Variants in KIFC3 observed in about 807,000 individuals in gnomAD.
KIFC3 encodes kinesin family member C3.
In KIFC3, 60 loss-of-function variants were observed where a neutral mutation model predicts 101.8. That is an observed-to-expected ratio of 0.59 (90% CI 0.48 to 0.73). The LOEUF (loss-of-function observed/expected upper bound fraction) is 0.73. KIFC3 is among the 30% of genes least tolerant of loss of function. The pLI is 0.00. For missense variants in KIFC3, 966 were observed against 1,137.1 expected, an observed-to-expected ratio of 0.85 and a Z score of 2.16; for synonymous variants, 476 against 482.7, an observed-to-expected ratio of 0.99 and a Z score of 0.18.
At chr16:57,763,265 G>A (rs1329360059) in intron 12 of KIFC3, among the ~76,000 whole-genome samples, 1 of 152,130 alleles carries the variant, frequency 6.6e-6, no homozygotes, top group Non-Finnish European at 1.5e-5. Context: ...GATGTTCCTG[G>A]TGGTCACCTC....
At chr16:57,780,329 G>T (rs1555613763) in intron 3 of KIFC3, among the ~76,000 whole-genome samples, 2 of 152,052 alleles carry the variant, frequency 1.3e-5, no homozygotes, top group African/African-American at 4.8e-5. Flanking sequence ...TGGCCAACAT[G>T]GTGAAACCCC....
intron 1 of KIFC3, chr16:57,846,638 C>G (rs114312881): frequency 6.6e-6 from 1 of 152,228 alleles, no homozygotes; most frequent in Non-Finnish European, 1.5e-5. Context: ...TGGTTGTTAA[C>G]GAGAATGAGA....
At chr16:57,798,675 T>G (rs1440282233) in intron 1 of KIFC3, 2 of 275,714 alleles carry the variant, frequency 7.3e-6, no homozygotes, top group Non-Finnish European at 1.4e-5. Context: ...ATTTTCTAAT[T>G]GCACTTAACC....
At chr16:57,850,951 T>C (rs767309272) in intron 1 of KIFC3, among the ~76,000 whole-genome samples, 15 of 8,354 alleles carry the variant, frequency 1.8e-3, no homozygotes, top group Non-Finnish European at 3.2e-3. Flanking sequence ...CCCTCCCTCC[T>C]TCCTTCCTTC....
intron 2 of KIFC3, among the ~76,000 whole-genome samples, chr16:57,795,883 TG>T (rs1555622623): frequency 1.5e-3 from 53 of 36,192 alleles, no homozygotes; most frequent in African/African-American, 2.7e-3. Context: ...TGGGCTTTTT[TG>T]TTTTTTTTTT....
intron 3 of KIFC3, among the ~76,000 whole-genome samples, chr16:57,791,704 C>A (rs192135944): frequency 6.6e-6 from 1 of 152,258 alleles, no homozygotes; most frequent in East Asian, 1.9e-4. Flanking sequence ...CAACTCAGCA[C>A]CCCATAATCA....
chr16:57,758,850 GGGCCCAGCTTCA>G lies in KIFC3; in HGVS notation c.*72_*83del, dbSNP rs782372334. On this transcript the variant is annotated 3_prime_UTR_variant, in exon 20 of 20. Transcript: ENST00000445690. ...CGCTGCAGCAGGGACAGGCCAGTGAGGGCCCAGCTTCAGGCCCAGCGGGGTCACATCCGTCAC... is the reference window on the plus strand; with the variant it reads ...CGCTGCAGCAGGGACAGGCCAGTGAGGGCCCAGCGGGGTCACATCCGTCAC... The G allele has an allele frequency of 1.4e-5, 22 of 1,609,362 alleles. No homozygotes were observed. The African/African-American group carries it at 1.9e-4, about 14-fold the overall frequency.
upstream of KIFC3, among the ~76,000 whole-genome samples, chr16:57,804,872 G>T (rs1437437509): frequency 6.7e-6 from 1 of 149,988 alleles, no homozygotes; most frequent in Non-Finnish European, 1.5e-5. Flanking sequence ...TGGGATTACA[G>T]ATGTGAAGAT....
chr16:57,768,509 T>TCTCACACACACACACACACACA (rs147198668), intron 9 of KIFC3, among the ~76,000 whole-genome samples: 18 of 139,128 alleles, frequency 1.3e-4, no homozygotes, highest in African/African-American at 3.0e-4. Context: ...CCATATATTC[T>TCTCACACACACACACACACACA]CACACACACA....
At chr16:57,801,946 G>A (rs531449699) in intron 1 of KIFC3, among the ~76,000 whole-genome samples, 1 of 152,314 alleles carries the variant, frequency 6.6e-6, no homozygotes, top group African/African-American at 2.4e-5. Context: ...GCCCTGCCAG[G>A]GAAAAAGCGA....
upstream of KIFC3, among the ~76,000 whole-genome samples, chr16:57,805,067 G>C (rs1422919310): frequency 6.6e-6 from 1 of 152,120 alleles, no homozygotes; most frequent in African/African-American, 2.4e-5. Context: ...CTGACCTCAA[G>C]TGATCCCCCT....
intron 3 of KIFC3, chr16:57,788,824 G>A: frequency 1.9e-6 from 2 of 1,034,192 alleles, no homozygotes; most frequent in Non-Finnish European, 2.5e-6. Context: ...GGGCCCAGCG[G>A]GTCCAGTCCC....
intron 1 of KIFC3, among the ~76,000 whole-genome samples, chr16:57,862,252 G>A (rs1959337352): frequency 7.2e-6 from 1 of 138,720 alleles, no homozygotes; most frequent in African/African-American, 2.7e-5. Flanking sequence ...TCAAACTCTT[G>A]AGCTCAAGTG....
Position 57,838,242 on chromosome 16 carries a change from CT to C in KIFC3, c.108+24486del, listed in dbSNP as rs540164977. Among the ~76,000 whole-genome samples the C allele has an allele frequency of 3.6e-4, 55 of 152,288 alleles. 1 individual carries two copies. The highest frequency in any genetic ancestry group is 1.3e-3 in the African/African-American group (55 of 41,568). On this transcript the variant is annotated intron_variant, in intron 1 of 2. Transcript: ENST00000563028. ...GGGATGGAATTAAATTCAAATTCAC[CT>C]GCAAGAGCAGCTGATGGTTCAGCTA...
chr16:57,834,806 T>C (rs2055653191), intron 1 of KIFC3, among the ~76,000 whole-genome samples: 1 of 152,208 alleles, frequency 6.6e-6, no homozygotes, highest in African/African-American at 2.4e-5. Context: ...CATGAGCCAC[T>C]GTGCCCTGCA....
chr16:57,787,474 A>G (rs1235682552), intron 3 of KIFC3, among the ~76,000 whole-genome samples: 1 of 152,218 alleles, frequency 6.6e-6, no homozygotes, highest in Admixed American at 6.5e-5. Flanking sequence ...GGCAGTGGGA[A>G]GGGGGCCAGG....
intron 1 of KIFC3, among the ~76,000 whole-genome samples, chr16:57,815,845 C>T (rs1481554035): frequency 2.0e-5 from 3 of 152,212 alleles, no homozygotes; most frequent in Non-Finnish European, 2.9e-5. Context: ...CTGCCACTCC[C>T]CCACCTCAGG....
At chr16:57,796,140 G>A (rs946871361) in intron 2 of KIFC3, among the ~76,000 whole-genome samples, 2 of 152,034 alleles carry the variant, frequency 1.3e-5, no homozygotes, top group Non-Finnish European at 2.9e-5. Flanking sequence ...TGATCTGCCC[G>A]CCTTGGCCTC....
At chr16:57,831,716 G>C (rs2055584125) in intron 1 of KIFC3, among the ~76,000 whole-genome samples, 1 of 152,164 alleles carries the variant, frequency 6.6e-6, no homozygotes, top group Non-Finnish European at 1.5e-5. Flanking sequence ...TTAAGCTTTA[G>C]TGGGTCTTGA....
Sources: gnomAD v4.1 joint callset for allele counts (sites outside exome capture counted in the v4.1 genomes callset) on GRCh38, gnomAD v4.1.1 for gene constraint, MANE v1.5 for transcripts, NCBI Gene and HGNC (gene_info 2026-07-23, HGNC 2026-07-21) for gene names.